Variants in CCDC178 observed in about 807,000 individuals in gnomAD.
CCDC178 encodes the protein coiled-coil domain-containing protein 178.
Under a neutral mutation model 117.4 loss-of-function variants are expected in CCDC178, and 126 were observed. That is an observed-to-expected ratio of 1.07 (90% CI 0.93 to 1.24). The LOEUF is 1.24. Among genes scored for constraint, CCDC178 ranks in the 50% most tolerant of loss-of-function variants. The pLI, the probability that CCDC178 is intolerant of heterozygous loss-of-function variation, is 0.00. For missense variants in CCDC178, 1,030 were observed against 986.9 expected, an observed-to-expected ratio of 1.04 and a Z score of -0.59; for synonymous variants, 283 against 313.4, an observed-to-expected ratio of 0.90 and a Z score of 1.02.
At chr18:32,981,362 G>A (rs959446296) in intron 21 of CCDC178, among the ~76,000 whole-genome samples, 5 of 152,220 alleles carry the variant, frequency 3.3e-5, no homozygotes, top group Middle Eastern at 3.4e-3. Flanking sequence ...AATAATAATA[G>A]GAAGAGGCAG....
intron 20 of CCDC178, among the ~76,000 whole-genome samples, chr18:33,108,886 T>C (rs1468449295): frequency 2.0e-5 from 3 of 151,708 alleles, no homozygotes; most frequent in Admixed American, 6.6e-5. Context: ...ATGTTATCTG[T>C]GTTAGGGAAA....
chr18:33,140,737 T>C (rs1261393574), intron 20 of CCDC178, among the ~76,000 whole-genome samples: 2 of 152,166 alleles, frequency 1.3e-5, no homozygotes, highest in Non-Finnish European at 2.9e-5. Flanking sequence ...TTTTGATTAA[T>C]ACCAAAATGA....
At chr18:33,342,340 T>C (rs2062827519) in intron 9 of CCDC178, among the ~76,000 whole-genome samples, 1 of 152,184 alleles carries the variant, frequency 6.6e-6, no homozygotes, top group Non-Finnish European at 1.5e-5. Context: ...CAGGAATAGT[T>C]ATAAGAAACA....
At chr18:32,953,476 C>A (rs903948571) in intron 22 of CCDC178, among the ~76,000 whole-genome samples, 2 of 152,174 alleles carry the variant, frequency 1.3e-5, no homozygotes, top group South Asian at 2.1e-4. Flanking sequence ...CTTCCTGTTA[C>A]CAAGTTCCAA....
chr18:33,040,423 C>A (rs2056526227), intron 21 of CCDC178, among the ~76,000 whole-genome samples: 1 of 151,780 alleles, frequency 6.6e-6, no homozygotes, highest in African/African-American at 2.4e-5. Context: ...AAAACCAAAT[C>A]AATGGAAAAG....
intron 15 of CCDC178, among the ~76,000 whole-genome samples, chr18:33,227,326 G>C (rs1314335623): frequency 1.3e-5 from 2 of 149,932 alleles, no homozygotes; most frequent in African/African-American, 2.5e-5. Flanking sequence ...AAGTTTGTAG[G>C]GAAAAAATTT....
At chr18:33,194,952 G>C (rs1347270029) in intron 20 of CCDC178, among the ~76,000 whole-genome samples, 2 of 142,222 alleles carry the variant, frequency 1.4e-5, no homozygotes, top group Non-Finnish European at 3.1e-5. Flanking sequence ...GAGACAGAGA[G>C]AGAGAGAGAG....
intron 2 of CCDC178, among the ~76,000 whole-genome samples, chr18:33,436,333 T>C (rs566263607): frequency 1.3e-5 from 2 of 152,276 alleles, no homozygotes; most frequent in South Asian, 4.1e-4. Flanking sequence ...GGTAACAAGA[T>C]GTCCAGGACA....
chr18:33,165,208 G>A (rs993107526), intron 20 of CCDC178, among the ~76,000 whole-genome samples: 2 of 151,978 alleles, frequency 1.3e-5, no homozygotes, highest in African/African-American at 4.8e-5. Context: ...AAAAAAAACA[G>A]CTGAGTGCAG....
At chr18:32,994,193 C>T (rs1261509741) in intron 21 of CCDC178, among the ~76,000 whole-genome samples, 1 of 151,842 alleles carries the variant, frequency 6.6e-6, no homozygotes, top group African/African-American at 2.4e-5. Context: ...TCTTTTCTAA[C>T]TCCTGAATGC....
intron 3 of CCDC178, among the ~76,000 whole-genome samples, chr18:33,408,097 T>TA (rs2063805616): frequency 6.6e-6 from 1 of 151,920 alleles, no homozygotes; most frequent in South Asian, 2.1e-4. Flanking sequence ...ATTTAAAAGT[T>TA]GTAAATCCAT....
At chr18:32,988,825 G>T (rs907684782) in intron 21 of CCDC178, among the ~76,000 whole-genome samples, 1 of 151,960 alleles carries the variant, frequency 6.6e-6, no homozygotes, top group Non-Finnish European at 1.5e-5. Flanking sequence ...AATTAAAATT[G>T]TTAAGATAAT....
At chr18:33,201,923 G>A (rs915240009) in intron 20 of CCDC178, among the ~76,000 whole-genome samples, 1 of 152,114 alleles carries the variant, frequency 6.6e-6, no homozygotes, top group African/African-American at 2.4e-5. Context: ...AATGTATTGA[G>A]TAACATATCC....
At chr18:33,172,723 A>G (rs933350109) in intron 20 of CCDC178, among the ~76,000 whole-genome samples, 8 of 152,176 alleles carry the variant, frequency 5.3e-5, no homozygotes, top group South Asian at 2.1e-4. Flanking sequence ...TGGAAGATCT[A>G]TGGCTTCTGG....
At chr18:33,222,564 C>T (rs2059249540) in intron 18 of CCDC178, among the ~76,000 whole-genome samples, 2 of 152,082 alleles carry the variant, frequency 1.3e-5, no homozygotes, top group East Asian at 3.9e-4. Flanking sequence ...ATTCTTGGGG[C>T]CTCTCTTATA....
At chr18:33,280,510 G>A (rs1012704888) in intron 12 of CCDC178, among the ~76,000 whole-genome samples, 4 of 151,722 alleles carry the variant, frequency 2.6e-5, no homozygotes, top group Non-Finnish European at 4.4e-5. Context: ...TGGTGGGACT[G>A]TAAACTAGTT....
intron 6 of CCDC178, among the ~76,000 whole-genome samples, chr18:33,358,293 AT>A (rs1392098387): frequency 6.6e-6 from 1 of 152,012 alleles, no homozygotes; most frequent in African/African-American, 2.4e-5. Context: ...TTCATATAAT[AT>A]GACAAGCTTA....
chr18:32,962,970 C>T (rs1446787585), intron 22 of CCDC178, among the ~76,000 whole-genome samples: 1 of 151,952 alleles, frequency 6.6e-6, no homozygotes, highest in Non-Finnish European at 1.5e-5. Context: ...GAAATATCAA[C>T]CCTAAATTAG....
intron 2 of CCDC178, among the ~76,000 whole-genome samples, chr18:33,416,519 A>T (rs1178657023): frequency 2.0e-5 from 3 of 152,120 alleles, no homozygotes; most frequent in Admixed American, 6.5e-5. Context: ...GAGGACCCCA[A>T]ATTTCCTAGT....
Sources: allele counts gnomAD v4.1 joint callset (sites outside exome capture counted in the v4.1 genomes callset), GRCh38; gene constraint gnomAD v4.1.1; transcripts MANE v1.5; gene names NCBI Gene and HGNC (gene_info 2026-07-23, HGNC 2026-07-21).